The following LRRC74B variants were observed in gnomAD, a reference collection of about 807,000 sequenced individuals.
LRRC74B encodes the protein leucine-rich repeat-containing protein 74B.
In LRRC74B, 30 loss-of-function variants were observed where a neutral mutation model predicts 16.6. The observed-to-expected ratio is 1.80, with a 90% CI of 1.35 to 2.45. The LOEUF (loss-of-function observed/expected upper bound fraction) is 2.45, where lower values mean the gene tolerates loss of function less well. Ranked by LOEUF, LRRC74B falls within the 30% of genes most tolerant of loss-of-function variation. The pLI is 0.00. For synonymous variants in LRRC74B, 134 were observed against 86.0 expected (o/e 1.56, Z -3.09); for missense variants, 326 against 202.4 (o/e 1.61, Z -3.71).
chr22:21,063,448 C>T (rs1174508650), downstream of LRRC74B: 1 of 151,860 alleles, frequency 6.6e-6, no homozygotes, highest in Non-Finnish European at 1.5e-5. Context: ...CCTGTAGACT[C>T]AGGAGGCCAA....
At chr22:21,051,459 GC>G (rs1445529546) in intron 4 of LRRC74B, among the ~76,000 whole-genome samples, 1 of 152,074 alleles carries the variant, frequency 6.6e-6, no homozygotes, top group Non-Finnish European at 1.5e-5. Context: ...TCACACCACT[GC>G]CTGGCTTTCA....
downstream of LRRC74B, chr22:21,063,195 G>A (rs1199818641): frequency 6.6e-6 from 1 of 151,978 alleles, no homozygotes; most frequent in African/African-American, 2.4e-5. Flanking sequence ...AAGAAAAAAA[G>A]GAAGAATCAA....
intron 6 of LRRC74B, 82 bp from the exon 7 acceptor site, chr22:21,055,016 C>G (rs1417030674): frequency 8.7e-6 from 6 of 687,644 alleles, no homozygotes; most frequent in Non-Finnish European, 1.6e-5. Context: ...AATGGCAGCT[C>G]CAGTGGGCAC....
chr22:21,058,825 A>G (rs1930672929), intron 8 of LRRC74B, among the ~76,000 whole-genome samples: 1 of 152,266 alleles, frequency 6.6e-6, no homozygotes, highest in Non-Finnish European at 1.5e-5. Flanking sequence ...ATGTATGGTC[A>G]TTATCAGAAG....
intron 8 of LRRC74B, among the ~76,000 whole-genome samples, chr22:21,058,945 T>A (rs1026289806): frequency 6.6e-6 from 1 of 152,190 alleles, no homozygotes. Context: ...CAAAGAATCA[T>A]AAACGATCAA....
At chr22:21,051,161 A>C (rs1930008398) in intron 4 of LRRC74B, among the ~76,000 whole-genome samples, 1 of 152,088 alleles carries the variant, frequency 6.6e-6, no homozygotes, top group South Asian at 2.1e-4. Context: ...TAACAACAAC[A>C]AAAAATACTT....
At chr22:21,047,244 G>A in intron 1 of LRRC74B, 112 bp from the exon 2 acceptor site, 1 of 620,472 alleles carries the variant, frequency 1.6e-6, no homozygotes, top group South Asian at 2.0e-5. Flanking sequence ...AGAAGCACAG[G>A]AAGCAGTGCT....
intron 7 of LRRC74B, 54 bp downstream of exon 7, chr22:21,055,230 C>A: frequency 2.9e-6 from 2 of 689,878 alleles, no homozygotes; most frequent in South Asian, 1.5e-5. Context: ...CTGTAACAGT[C>A]CACACAGATC....
intron 4 of LRRC74B, among the ~76,000 whole-genome samples, chr22:21,050,980 CAAAAAAAA>C (rs56383758): frequency 1.4e-5 from 1 of 73,388 alleles, no homozygotes; most frequent in East Asian, 4.3e-4. Context: ...GACTCCGTCT[CAAAAAAAA>C]AAAAAAAAAA....
intron 3 of LRRC74B, 188 bp downstream of exon 3, chr22:21,048,204 G>A (rs1370971902): frequency 1.7e-6 from 1 of 588,354 alleles, no homozygotes; most frequent in African/African-American, 1.9e-5. Context: ...GCCGATGCCT[G>A]ATAGAAGTCC....
chr22:21,048,389 G>A (rs923957132), intron 3 of LRRC74B: 2 of 276,872 alleles, frequency 7.2e-6, no homozygotes, highest in Non-Finnish European at 1.4e-5. Flanking sequence ...AGTTTGATGG[G>A]GCTGGATCCA....
chr22:21,050,630 T>G (rs1929940450), intron 4 of LRRC74B, among the ~76,000 whole-genome samples: 2 of 151,552 alleles, frequency 1.3e-5, no homozygotes, highest in African/African-American at 4.8e-5. Context: ...TACAAAAAAT[T>G]AGCCGAGTGT....
chr22:21,057,124 G>A (rs905372138), exon 8 of LRRC74B: 13 of 717,334 alleles, frequency 1.8e-5, no homozygotes, highest in African/African-American at 3.5e-5. Context: ...AATCCCATGC[G>A]AAGTGAAGGC....
chr22:21,055,899 A>C (rs1035459371), intron 7 of LRRC74B, among the ~76,000 whole-genome samples: 1 of 152,102 alleles, frequency 6.6e-6, no homozygotes, highest in Non-Finnish European at 1.5e-5. Flanking sequence ...TGAGAGTCCA[A>C]CCTGAACGCA....
chr22:21,048,143 C>T, intron 3 of LRRC74B, 127 bp downstream of exon 3: 1 of 673,186 alleles, frequency 1.5e-6, no homozygotes, highest in Non-Finnish European at 2.7e-6. Context: ...AGAAGAGGGG[C>T]CTCATCACAG....
intron 4 of LRRC74B, 82 bp from the exon 5 acceptor site, chr22:21,052,167 C>G (rs1457146860): frequency 5.7e-6 from 4 of 701,306 alleles, no homozygotes; most frequent in African/African-American, 1.8e-5. Flanking sequence ...CCAGCAGAGG[C>G]TCGGCACGCA....
At chr22:21,063,658 C>A (rs1000594258), downstream of LRRC74B, 4 of 152,040 alleles carry the variant, frequency 2.6e-5, no homozygotes, top group Non-Finnish European at 4.4e-5. Flanking sequence ...GGGTACACAG[C>A]GAGACCCTGT....
rs541675591 is a variant in LRRC74B, at chr22:21,047,936, T to C, written c.335T>C (p.Leu112Pro). 1.1e-4 allele frequency: 79 copies of C among 717,420 alleles called. No homozygotes were observed. In the African/African-American group the frequency reaches 1.3e-3, roughly 12 times the overall value. 44.4% of individuals were successfully genotyped at this position (717,420 alleles called of 1,614,324 possible). Residue 112 changes from leucine to proline, a missense_variant, in exon 3 of 9, where the codon CTG (leucine) becomes CCG (proline). Physicochemically the swap from Leu to Pro is moderately conservative, Grantham distance 98. Transcript: ENST00000442047. ...AGCTCCAATCCATATGTCAAGCGGC[T>C]GGACCTTCGAGACAATGGGCTCTGT...
At position 21,050,194 on chromosome 22, in the gene LRRC74B, G is replaced by T. The variant is rs563256481; in HGVS notation, c.622+1037G>T. Among the ~76,000 whole-genome samples, 10 of 152,142 alleles carry T rather than the reference G, an allele frequency of 6.6e-5. No homozygotes were observed. In the South Asian group the frequency reaches 8.3e-4, roughly 13 times the overall value. ...TGGGATTACAGGTGCGTGCGACAAG[G>T]CCTGGCTAATTTTTCTATTTTTAGT... On this transcript the variant is annotated intron_variant, in intron 4 of 8. Coordinates refer to ENST00000442047, the Ensembl canonical transcript of LRRC74B.
Sources: allele counts gnomAD v4.1 joint callset (sites outside exome capture counted in the v4.1 genomes callset), GRCh38; gene constraint gnomAD v4.1.1; transcripts MANE v1.5; gene names NCBI Gene and HGNC (gene_info 2026-07-23, HGNC 2026-07-21).